Variants in CST3 observed in about 807,000 individuals in gnomAD.
The protein encoded by CST3 is cystatin C.
A neutral mutation model predicts 9.0 loss-of-function variants in CST3; 14 were observed. The ratio of observed to expected loss-of-function variants is 1.56; its 90% confidence interval spans 1.03 to 2.44. The LOEUF is 2.44. Among genes scored for constraint, CST3 ranks in the 30% most tolerant of loss-of-function variants. CST3 has a pLI of 0.00. For synonymous variants in CST3, 96 were observed against 90.2 expected (o/e 1.06, Z -0.37); for missense variants, 237 against 204.3 (o/e 1.16, Z -0.98).
At chr20:23,630,160 A>G (rs1367860289), downstream of CST3, among the ~76,000 whole-genome samples, 2 of 152,340 alleles carry the variant, frequency 1.3e-5, no homozygotes, top group Non-Finnish European at 2.9e-5. Context: ...TTAAACATCC[A>G]ATGTCCACGT....
chr20:23,635,210 C>T, intron 2 of CST3, 44 bp downstream of exon 2: 2 of 1,477,916 alleles, frequency 1.4e-6, no homozygotes, highest in Non-Finnish European at 1.9e-6. Context: ...ACACACACCC[C>T]TCTGCAGTGT....
chr20:23,634,345 A>G (rs1979573834), intron 2 of CST3, among the ~76,000 whole-genome samples: 1 of 152,074 alleles, frequency 6.6e-6, no homozygotes, highest in East Asian at 1.9e-4. Context: ...AGCTCCTTCC[A>G]CCTCCAGCCC....
chr20:23,634,027 A>C, intron 2 of CST3, 28 bp from the exon 3 acceptor site: 1 of 1,588,156 alleles, frequency 6.3e-7, no homozygotes, highest in African/African-American at 1.3e-5. Context: ...GGGGACAATC[A>C]GTGTGGGTTA....
downstream of CST3, among the ~76,000 whole-genome samples, chr20:23,631,066 AAAC>A (rs1362913529): frequency 1.3e-5 from 2 of 152,210 alleles, no homozygotes; most frequent in Non-Finnish European, 2.9e-5. Flanking sequence ...GAACCTGAAA[AAAC>A]AGTTTCATTT....
chr20:23,630,604 A>G (rs2122460291), downstream of CST3, among the ~76,000 whole-genome samples: 1 of 152,320 alleles, frequency 6.6e-6, no homozygotes, highest in African/African-American at 2.4e-5. Context: ...GTTATGGGAC[A>G]GGGCTGGCGA....
intron 2 of CST3, 68 bp from the exon 3 acceptor site, chr20:23,634,067 G>A (rs1979561146): frequency 7.8e-7 from 1 of 1,283,108 alleles, no homozygotes; most frequent in African/African-American, 1.5e-5. Context: ...CCCAGGCACG[G>A]GACATCAGAG....
chr20:23,634,992 GCACA>G (rs1440724299), intron 2 of CST3, among the ~76,000 whole-genome samples: 1 of 151,634 alleles, frequency 6.6e-6, no homozygotes, highest in Non-Finnish European at 1.5e-5. Flanking sequence ...ACACATATGT[GCACA>G]CACATATACT....
At chr20:23,630,236 C>A (rs922775595), downstream of CST3, among the ~76,000 whole-genome samples, 1 of 152,118 alleles carries the variant, frequency 6.6e-6, no homozygotes, top group Non-Finnish European at 1.5e-5. Flanking sequence ...AGCCAGGCTC[C>A]CCAGTGACGC....
chr20:23,634,129 A>G lies in CST3; in HGVS notation c.358-130T>C. 3 of 756,416 alleles carry G rather than the reference A, an allele frequency of 4.0e-6. No individual in the cohort carries two copies. The South Asian group carries it at 4.4e-5, about 11-fold the overall frequency. The allele number at this position is 756,416 out of a possible 1,614,324, so 46.9% of individuals were successfully genotyped here. ...ACACTGGGCCCTTATCTACCCCTCCACCCACCCCCGCTGATCCCAGAGCAC... is the reference window on the plus strand; with the variant it reads ...ACACTGGGCCCTTATCTACCCCTCCGCCCACCCCCGCTGATCCCAGAGCAC... On this transcript the variant is annotated intron_variant, in intron 2 of 2. Transcript: ENST00000376925.
downstream of CST3, chr20:23,629,293 C>T (rs574146876): frequency 4.6e-5 from 7 of 152,294 alleles, no homozygotes; most frequent in East Asian, 5.8e-4. Context: ...GTGAGTCAGA[C>T]GCTGGCCGCT....
Position 23,637,892 on chromosome 20 carries a change from G to A in CST3, c.-30C>T. On this transcript the variant is annotated 5_prime_UTR_variant, in exon 1 of 3. Transcript: ENST00000376925. ...GGCTAGGACGCGGGACGCGGGGAGT[G>A]GGGCGCAGGCGAGAGGCTGGAGCTA... 7.2e-7 allele frequency: 1 copy of A among 1,383,652 alleles called. No individual in the cohort carries two copies. Among genetic ancestry groups the A allele is most frequent in the Non-Finnish European group, 9.3e-7 (1 of 1,079,182 alleles). 85.7% of individuals were successfully genotyped at this position (1,383,652 alleles called of 1,614,324 possible). A position where few individuals can be genotyped will look rare whatever the true frequency, so the allele number is the denominator to read the frequency against.
chr20:23,636,784 G>C (rs1019016688), intron 1 of CST3, among the ~76,000 whole-genome samples: 4 of 152,226 alleles, frequency 2.6e-5, no homozygotes, highest in Non-Finnish European at 5.9e-5. Context: ...AAGAGGCCGA[G>C]GGGACAGGAC....
At chr20:23,632,697 G>C (rs537716751), downstream of CST3, among the ~76,000 whole-genome samples, 1 of 152,306 alleles carries the variant, frequency 6.6e-6, no homozygotes, top group East Asian at 1.9e-4. Flanking sequence ...GGTCAGTGCA[G>C]CTCCGAGGTT....
chr20:23,635,599 G>C (rs973206146), intron 1 of CST3, among the ~76,000 whole-genome samples: 5 of 152,184 alleles, frequency 3.3e-5, no homozygotes, highest in Non-Finnish European at 5.9e-5. Flanking sequence ...CAATGCCAAG[G>C]ATTAACTGAA....
intron 2 of CST3, 81 bp from the exon 3 acceptor site, chr20:23,634,080 G>A (rs1165443516): frequency 8.6e-7 from 1 of 1,160,392 alleles, no homozygotes; most frequent in East Asian, 2.3e-5. Context: ...CATCAGAGTG[G>A]GAGTGAAGAA....
At chr20:23,629,002 G>T (rs1013142939), downstream of CST3, 1 of 152,172 alleles carries the variant, frequency 6.6e-6, no homozygotes, top group African/African-American at 2.4e-5. Context: ...AGGGAAGGAA[G>T]AACCCACTTA....
rs11542356 is a variant in CST3 at position 23,637,794 on chromosome 20, G to A, written c.69C>T (p.Pro23=). 2 of 1,523,098 alleles carry A rather than the reference G, an allele frequency of 1.3e-6. No homozygotes were observed. The highest frequency in any genetic ancestry group is 1.8e-6 in the Non-Finnish European group (2 of 1,136,424). The allele number at this position is 1,523,098 out of a possible 1,614,324, so 94.3% of individuals were successfully genotyped here. A position where few individuals can be genotyped will look rare whatever the true frequency, so the allele number is the denominator to read the frequency against. ...GCTTGCCGGGACTGGAGCCGGCCGCGGGGCTCACGGCCAGGGCCACGGCCA... is the reference window on the plus strand; with the variant it reads ...GCTTGCCGGGACTGGAGCCGGCCGCAGGGCTCACGGCCAGGGCCACGGCCA... ...AILAVALAVS[P]AAGSSPGKPP... Residue 23 remains proline (P), a synonymous_variant, in exon 1 of 3, where the codon CCC becomes CCT. Coordinates refer to ENST00000376925, the MANE Select transcript of CST3 (RefSeq NM_000099.4).
In CST3 at chr20:23,637,739, C is replaced by G. The variant is rs1366729949; in HGVS notation, c.124G>C (p.Ala42Pro). The G allele has an allele frequency of 1.8e-5, 28 of 1,540,086 alleles. No individual in the cohort carries two copies. Among genetic ancestry groups the G allele is most frequent in the Non-Finnish European group, 2.4e-5 (27 of 1,144,216 alleles). The change falls in exon 1 of 3, where the codon GCC (alanine) becomes CCC (proline). Residue 42 changes from alanine to proline, a missense_variant. Ala to Pro is a conservative substitution (Grantham distance 27, BLOSUM62 -1). Coordinates refer to ENST00000376925, the MANE Select transcript of CST3 (RefSeq NM_000099.4). ...PPRLVGGPMD[A>P]SVEEEGVRRA... ...CGCACACCCTCCTCCTCCACGCTGG[C>G]GTCCATGGGGCCTCCCACTAGGCGC...
chr20:23,633,848 G>A lies in CST3; in HGVS notation c.*68C>T. 7.4e-7 allele frequency: 1 copy of A among 1,343,726 alleles called. No individual in the cohort carries two copies. Among genetic ancestry groups the A allele is most frequent in the Non-Finnish European group, 1.1e-6 (1 of 935,054 alleles). The allele number at this position is 1,343,726 out of a possible 1,614,324, so 83.2% of individuals were successfully genotyped here. ...CCAAGGCAGGGGCCACCAGTCCAGG[G>A]GTGGGAATACAGGGGGTGGGAGGTG... On this transcript the variant is annotated 3_prime_UTR_variant, in exon 3 of 3. Coordinates refer to ENST00000376925, the MANE Select transcript of CST3 (RefSeq NM_000099.4).
Sources: allele counts gnomAD v4.1 joint callset (sites outside exome capture counted in the v4.1 genomes callset), GRCh38; gene constraint gnomAD v4.1.1; transcripts MANE v1.5; gene names NCBI Gene and HGNC (gene_info 2026-07-23, HGNC 2026-07-21).